GRK5: variants seen among roughly 807,000 people sequenced by gnomAD.
The protein encoded by GRK5 is G protein-coupled receptor kinase 5, also known as g protein-coupled receptor kinase GRK5.
A neutral mutation model predicts 78.4 loss-of-function variants in GRK5; 40 were observed. The ratio of observed to expected loss-of-function variants is 0.51; its 90% confidence interval spans 0.40 to 0.66. The LOEUF is 0.66. GRK5 is among the 30% of genes least tolerant of loss of function. GRK5 has a pLI of 0.00. For missense variants in GRK5, 598 were observed against 759.9 expected, an observed-to-expected ratio of 0.79 and a Z score of 2.50; for synonymous variants, 289 against 296.8, an observed-to-expected ratio of 0.97 and a Z score of 0.27.
chr10:119,318,859 A>C (rs1850536026), intron 1 of GRK5, among the ~76,000 whole-genome samples: 1 of 152,140 alleles, frequency 6.6e-6, no homozygotes. Flanking sequence ...ACAGCAAGCC[A>C]GTTTCTTCCC....
In GRK5 at chr10:119,455,376, T is replaced by C; in HGVS notation, c.*309T>C. On this transcript the variant is annotated 3_prime_UTR_variant, in exon 16 of 16. Coordinates refer to ENST00000392870, the MANE Select transcript of GRK5 (RefSeq NM_005308.3). ...GCGTCATAACTAGAACTGAATTTTG[T>C]CTTTATGATTTTTAAAGAAAAGTTT... 3.7e-6 allele frequency: 2 copies of C among 536,108 alleles called. No individual in the cohort carries two copies. The highest frequency in any genetic ancestry group is 6.8e-6 in the Non-Finnish European group (2 of 292,562). The allele number at this position is 536,108 out of a possible 1,614,324, so 33.2% of individuals were successfully genotyped here.
chr10:119,261,337 G>T (rs1357339170), intron 1 of GRK5, among the ~76,000 whole-genome samples: 10 of 147,044 alleles, frequency 6.8e-5, no homozygotes, highest in East Asian at 4.1e-4. Context: ...TTCCTAGATG[G>T]GATGGCGGCC....
intron 4 of GRK5, among the ~76,000 whole-genome samples, chr10:119,407,988 A>AC (rs1393672294): frequency 5.9e-5 from 9 of 151,934 alleles, no homozygotes; most frequent in African/African-American, 2.2e-4. Flanking sequence ...ACATGGAGAA[A>AC]CCCCATCTCT....
chr10:119,384,165 G>C (rs902321508), intron 3 of GRK5, among the ~76,000 whole-genome samples: 3 of 152,068 alleles, frequency 2.0e-5, no homozygotes, highest in Non-Finnish European at 4.4e-5. Flanking sequence ...GCTCCCTCAG[G>C]CCTCCCTGCC....
intron 3 of GRK5, among the ~76,000 whole-genome samples, chr10:119,394,613 A>C (rs376156715): frequency 4.7e-4 from 1 of 2,126 alleles, no homozygotes; most frequent in Non-Finnish European, 1.0e-3. Flanking sequence ...GGGCACGTGT[A>C]TGTTTGGGTG....
At position 119,326,512 on chromosome 10, in the gene GRK5, G is replaced by A. The variant is rs1850681853; in HGVS notation, c.53-4G>A. The A allele has an allele frequency of 6.2e-7, 1 of 1,613,212 alleles. No individual in the cohort carries two copies. On this transcript the variant is annotated splice_polypyrimidine_tract_variant and splice_region_variant and intron_variant, in intron 1 of 15. Coordinates refer to ENST00000392870, the MANE Select transcript of GRK5 (RefSeq NM_005308.3). ...GCCAGGCATCTTTTTCCCCATCTCT[G>A]CAGGGGGCGGAGGAAAGCGCAAAGG...
At chr10:119,443,955 C>T (rs927247917) in intron 12 of GRK5, among the ~76,000 whole-genome samples, 2 of 152,212 alleles carry the variant, frequency 1.3e-5, no homozygotes, top group Non-Finnish European at 2.9e-5. Flanking sequence ...AGGAGAAAGC[C>T]TGGGTGGGGC....
intron 4 of GRK5, among the ~76,000 whole-genome samples, chr10:119,410,041 G>T (rs1239326268): frequency 6.6e-6 from 1 of 152,240 alleles, no homozygotes; most frequent in African/African-American, 2.4e-5. Flanking sequence ...CGGGTCCCGC[G>T]AGCCCCCGCG....
chr10:119,440,877 C>G (rs920917670), intron 10 of GRK5, among the ~76,000 whole-genome samples: 4 of 152,176 alleles, frequency 2.6e-5, no homozygotes, highest in African/African-American at 9.7e-5. Flanking sequence ...ATCTTCCCAC[C>G]TGCACAGAGA....
chr10:119,243,566 C>CTTTCTTTTTTTTTTTTTT lies in GRK5; in HGVS notation c.52+35600_52+35601insCTTTTTTTTTTTTTTTTT, dbSNP rs751972415. On this transcript the variant is annotated intron_variant, in intron 1 of 15. Transcript: ENST00000392870. ...GATTCAAACAATGTTCCCAGTTTTTCTTTTTTTTTTTTTTTTTCTTTCTGT... is the reference window on the plus strand; with the variant it reads ...GATTCAAACAATGTTCCCAGTTTTTCTTTCTTTTTTTTTTTTTTTTTTTTTTTTTTTTTTTCTTTCTGT... 2.0e-5 allele frequency among the ~76,000 whole-genome samples: 3 copies of CTTTCTTTTTTTTTTTTTT among 147,942 alleles called. 1 individual carries two copies. The highest frequency in any genetic ancestry group is 1.3e-4 in the Admixed American group (2 of 14,822).
intron 4 of GRK5, among the ~76,000 whole-genome samples, chr10:119,402,815 CTG>C (rs1291926095): frequency 6.6e-6 from 1 of 152,224 alleles, no homozygotes; most frequent in Non-Finnish European, 1.5e-5. Context: ...GGTCGTGCCA[CTG>C]CACTCCAGCC....
At chr10:119,406,579 C>A in intron 4 of GRK5, 1 of 587,444 alleles carries the variant, frequency 1.7e-6, no homozygotes, top group Non-Finnish European at 2.1e-6. Flanking sequence ...ATTTCCCAGT[C>A]CCCGGAACAG....
At chr10:119,347,030 C>A (rs1227965043) in intron 2 of GRK5, among the ~76,000 whole-genome samples, 1 of 152,164 alleles carries the variant, frequency 6.6e-6, no homozygotes, top group Non-Finnish European at 1.5e-5. Flanking sequence ...TTTCTGGGAA[C>A]CATTTCCTTA....
intron 1 of GRK5, among the ~76,000 whole-genome samples, chr10:119,299,163 C>T (rs1035727629): frequency 6.6e-6 from 1 of 152,202 alleles, no homozygotes; most frequent in African/African-American, 2.4e-5. Flanking sequence ...TATCTTTCGG[C>T]CAGGCGCAGT....
intron 1 of GRK5, among the ~76,000 whole-genome samples, chr10:119,322,618 A>G (rs1410787662): frequency 6.6e-6 from 1 of 151,912 alleles, no homozygotes; most frequent in African/African-American, 2.4e-5. Flanking sequence ...TATAAAATAG[A>G]CTCCTGGGTT....
At chr10:119,344,608 T>C (rs1851046872) in intron 2 of GRK5, among the ~76,000 whole-genome samples, 1 of 152,212 alleles carries the variant, frequency 6.6e-6, no homozygotes, top group Non-Finnish European at 1.5e-5. Flanking sequence ...GTCTGTCCTC[T>C]CTTTCCCCTC....
At chr10:119,405,291 C>T (rs375058607) in intron 4 of GRK5, among the ~76,000 whole-genome samples, 5 of 152,004 alleles carry the variant, frequency 3.3e-5, no homozygotes, top group South Asian at 2.1e-4. Flanking sequence ...GCTCTTAGAG[C>T]GCATTTCTTG....
chr10:119,436,561 C>A, intron 8 of GRK5, 90 bp from the exon 9 acceptor site: 2 of 1,325,052 alleles, frequency 1.5e-6, no homozygotes, highest in Non-Finnish European at 2.1e-6. Context: ...TCTGTTCCCT[C>A]ACACCCCAGC....
At chr10:119,394,711 G>C (rs1453155129) in intron 3 of GRK5, among the ~76,000 whole-genome samples, 4 of 55,084 alleles carry the variant, frequency 7.3e-5, no homozygotes, top group East Asian at 4.3e-4. Context: ...GTGTATCTGT[G>C]TGTGTGGGGG....
Sources: allele counts gnomAD v4.1 joint callset (sites outside exome capture counted in the v4.1 genomes callset), GRCh38; gene constraint gnomAD v4.1.1; transcripts MANE v1.5; gene names NCBI Gene and HGNC (gene_info 2026-07-23, HGNC 2026-07-21).